The following TNFRSF1A variants were observed in gnomAD, a reference collection of about 807,000 sequenced individuals.
TNFRSF1A encodes tumor necrosis factor receptor superfamily member 1A.
Under a neutral mutation model 41.6 loss-of-function variants are expected in TNFRSF1A, and 9 were observed. That is an observed-to-expected ratio of 0.22 (90% confidence interval 0.13 to 0.38). The LOEUF (loss-of-function observed/expected upper bound fraction) is 0.38. Ranked by LOEUF, TNFRSF1A falls within the 10% of genes least tolerant of loss-of-function variation. The pLI is 1.00. For missense variants in TNFRSF1A, 463 were observed against 591.5 expected, an observed-to-expected ratio of 0.78 and a Z score of 2.25; for synonymous variants, 254 against 248.6, an observed-to-expected ratio of 1.02 and a Z score of -0.21.
Position 6,333,537 on chromosome 12 carries a change from G to C in TNFRSF1A, c.323-21C>G, listed in dbSNP as rs1285774916. ...CATTTCTGGTGAGGGGAGAAGATGG[G>C]GTATGAGTCCTGCATCCTCCTGTCC... On this transcript the variant is annotated intron_variant, in intron 3 of 9. Coordinates refer to ENST00000162749, the MANE Select transcript of TNFRSF1A (RefSeq NM_001065.4). The surrounding 1 kb of genome is among the most constrained non-coding windows in gnomAD (Gnocchi z 6.3). 2.5e-6 allele frequency: 4 copies of C among 1,614,040 alleles called. No individual in the cohort carries two copies. Among genetic ancestry groups the C allele is most frequent in the Non-Finnish European group, 3.4e-6 (4 of 1,180,004 alleles).
Position 6,341,792 on chromosome 12 carries a change from T to C in TNFRSF1A, c.23A>G (p.Asp8Gly). 6.2e-7 allele frequency: 1 copy of C among 1,614,048 alleles called. No homozygotes were observed. Among genetic ancestry groups the C allele is most frequent in the Non-Finnish European group, 8.5e-7 (1 of 1,179,990 alleles). Reference sequence around the variant, plus strand: ...TGGTCTCACCAGTGGCAGCAGCAGGTCAGGCACGGTGGAGAGGCCCATGCC... The same window carrying C: ...TGGTCTCACCAGTGGCAGCAGCAGGCCAGGCACGGTGGAGAGGCCCATGCC... MGLSTVP[D>G]LLLPLVLLEL... Residue 8 changes from aspartate (D) to glycine (G), a missense_variant, in exon 1 of 10, where the codon GAC becomes GGC. Transcript: ENST00000162749. The surrounding 1 kb of genome is among the most constrained non-coding windows in gnomAD (Gnocchi z 4.6).
At chr12:6,338,268 C>T (rs1169758405) in intron 1 of TNFRSF1A, among the ~76,000 whole-genome samples, 3 of 152,084 alleles carry the variant, frequency 2.0e-5, no homozygotes, top group Non-Finnish European at 4.4e-5. Flanking sequence ...TGAGAACTTG[C>T]CACGCTCTCT....
chr12:6,330,046 A>G lies in TNFRSF1A; in HGVS notation c.789T>C (p.Thr263=), dbSNP rs201290189. The change falls in exon 9 of 10, where the codon ACT becomes ACC. Residue 263 remains threonine (T), a synonymous_variant. Coordinates refer to ENST00000162749, the MANE Select transcript of TNFRSF1A (RefSeq NM_001065.4). ...PEKEGELEGT[T]TKPLAPNPSF... ...TTGGGTTTGGGGCCAGGGGCTTAGT[A>G]GTAGTTCCTTCAAGCTCCCCCTGAA... The G allele has an allele frequency of 2.9e-4, 470 of 1,613,076 alleles. 8 individuals carry two copies. In the South Asian group the frequency reaches 4.8e-3, roughly 17 times the overall value.
chr12:6,341,726 G>T lies in TNFRSF1A; in HGVS notation c.39+50C>A, dbSNP rs201769426. The T allele has an allele frequency of 6.2e-7, 1 of 1,609,988 alleles. No individual in the cohort carries two copies. The highest frequency in any genetic ancestry group is 8.5e-7 in the Non-Finnish European group (1 of 1,177,720). ...CTCCCGGAGAGGGCCCACGCCAGCC[G>T]GAAGGTGCCTCGCCCACCAGCCCAC... On this transcript the variant is annotated intron_variant, in intron 1 of 9. Coordinates refer to ENST00000162749, the MANE Select transcript of TNFRSF1A (RefSeq NM_001065.4). The surrounding 1 kb of genome is among the most constrained non-coding windows in gnomAD (Gnocchi z 4.6).
At chr12:6,339,839 T>TCACACACA (rs1312763687) in intron 1 of TNFRSF1A, among the ~76,000 whole-genome samples, 1 of 120,794 alleles carries the variant, frequency 8.3e-6, no homozygotes, top group African/African-American at 3.1e-5. Flanking sequence ...TCTCTCTCTC[T>TCACACACA]CTCACACACA....
At chr12:6,340,822 C>T (rs1025128031) in intron 1 of TNFRSF1A, among the ~76,000 whole-genome samples, 3 of 152,104 alleles carry the variant, frequency 2.0e-5, no homozygotes, top group African/African-American at 7.2e-5. Flanking sequence ...CAGGATGATT[C>T]CCGGACCAAG....
At chr12:6,339,089 T>G (rs1467587721) in intron 1 of TNFRSF1A, among the ~76,000 whole-genome samples, 1 of 152,160 alleles carries the variant, frequency 6.6e-6, no homozygotes, top group African/African-American at 2.4e-5. Context: ...CCATTCACAT[T>G]TCTTAGTGTT....
chr12:6,335,963 A>T (rs1443245864), intron 1 of TNFRSF1A, among the ~76,000 whole-genome samples: 1 of 152,172 alleles, frequency 6.6e-6, no homozygotes, highest in East Asian at 1.9e-4. Context: ...GCACCAGCCA[A>T]CACCGTGCCA....
rs1449040138 is a variant in TNFRSF1A, at chr12:6,337,586, T to A, written c.40-3342A>T. Among the ~76,000 whole-genome samples the A allele has an allele frequency of 6.6e-6, 1 of 152,006 alleles. No homozygotes were observed. The highest frequency in any genetic ancestry group is 6.6e-5 in the Admixed American group (1 of 15,256). ...CCAAGGGCCCAGTTGAGATCCCATC[T>A]CCCTCCCGTGAAGCCACCATTGACG... On this transcript the variant is annotated intron_variant, in intron 1 of 9. Transcript: ENST00000162749. This position sits in a 1 kb window ranked among gnomAD's most constrained non-coding sequence, Gnocchi z 4.6.
chr12:6,329,597 G>A lies in TNFRSF1A; in HGVS notation c.1083C>T (p.Ala361=), dbSNP rs746923911. The part of the protein sequence containing the change: ...LDTDDPATLY[A]VVENVPPLRW... ...GCAACGGGGGCACGTTCTCCACCAC[G>A]GCGTACAGCGTCGCGGGGTCATCAG... The change falls in exon 10 of 10, where the codon GCC becomes GCT. Residue 361 remains alanine, a synonymous_variant. Coordinates refer to ENST00000162749, the MANE Select transcript of TNFRSF1A (RefSeq NM_001065.4). 8.8e-6 allele frequency: 14 copies of A among 1,593,266 alleles called. No homozygotes were observed. Among genetic ancestry groups the A allele is most frequent in the Admixed American group, 3.4e-5 (2 of 59,582 alleles).
rs1326288809 is a variant in TNFRSF1A, at chr12:6,334,846, A to G, written c.40-602T>C. ...CACAGCAGCTAACAGTGCTGGACAC[A>G]GGGCAGATGTTGAAAGGATGTGTTT... On this transcript the variant is annotated intron_variant, in intron 1 of 9. Transcript: ENST00000162749. This position sits in a 1 kb window ranked among gnomAD's most constrained non-coding sequence, Gnocchi z 5.1. 6.6e-6 allele frequency among the ~76,000 whole-genome samples: 1 copy of G among 152,174 alleles called. No individual in the cohort carries two copies. Among genetic ancestry groups the G allele is most frequent in the Non-Finnish European group, 1.5e-5 (1 of 68,038 alleles).
rs1253748269 is a variant in TNFRSF1A, at chr12:6,337,293, G to A, written c.40-3049C>T. 6.6e-6 allele frequency among the ~76,000 whole-genome samples: 1 copy of A among 152,218 alleles called. No homozygotes were observed. Among genetic ancestry groups the A allele is most frequent in the South Asian group, 2.1e-4 (1 of 4,832 alleles). On this transcript the variant is annotated intron_variant, in intron 1 of 9. Coordinates refer to ENST00000162749, the MANE Select transcript of TNFRSF1A (RefSeq NM_001065.4). This position sits in a 1 kb window ranked among gnomAD's most constrained non-coding sequence, Gnocchi z 4.6. ...CCCAGACTCCAGCCTGGAGCAGAAG[G>A]GCAGGAAGCTGGGGTGCCTGTGGAG...
intron 1 of TNFRSF1A, among the ~76,000 whole-genome samples, chr12:6,339,301 G>A (rs141499191): frequency 3.9e-4 from 60 of 152,224 alleles, no homozygotes; most frequent in South Asian, 2.1e-3. Context: ...CTTTCCCTCC[G>A]CCATCCCATC....
Position 6,330,683 on chromosome 12 carries a change from A to G in TNFRSF1A, c.654T>C (p.Ile218=), listed in dbSNP as rs767551055. The change falls in exon 7 of 10, where the codon ATT becomes ATC. Residue 218 remains isoleucine, a synonymous_variant. Transcript: ENST00000162749. Reference sequence around the variant, plus strand: ...GGGATAAAAGGCAAAGACCAAAGAAAATGACCAGGGGCAACAGCACTGTGG... The same window carrying G: ...GGGATAAAAGGCAAAGACCAAAGAAGATGACCAGGGGCAACAGCACTGTGG... ...SGTTVLLPLV[I]FFGLCLLSLL... is the part of the protein sequence containing the mutation. 3.7e-6 allele frequency: 6 copies of G among 1,614,012 alleles called. No individual in the cohort carries two copies. Among genetic ancestry groups the G allele is most frequent in the Non-Finnish European group, 4.2e-6 (5 of 1,179,902 alleles).
At chr12:6,330,413 G>T in intron 7 of TNFRSF1A, 118 bp from the exon 8 acceptor site, 1 of 1,122,288 alleles carries the variant, frequency 8.9e-7, no homozygotes, top group Non-Finnish European at 1.4e-6. Flanking sequence ...GTGGCCCCAG[G>T]GACGAGAGAG....
chr12:6,338,967 C>T (rs1948153362), intron 1 of TNFRSF1A, among the ~76,000 whole-genome samples: 1 of 152,176 alleles, frequency 6.6e-6, no homozygotes, highest in Non-Finnish European at 1.5e-5. Context: ...AGTCTGGGCA[C>T]AGAATGTGCC....
rs1947978839 is a variant in TNFRSF1A at position 6,328,857 on chromosome 12, C to T, written c.*455G>A. 1 of 164,852 alleles carries T rather than the reference C, an allele frequency of 6.1e-6. No individual in the cohort carries two copies. The highest frequency in any genetic ancestry group is 2.4e-5 in the African/African-American group (1 of 42,008). 10.2% of individuals were successfully genotyped at this position (164,852 alleles called of 1,614,324 possible). A position where few individuals can be genotyped will look rare whatever the true frequency, so the allele number is the denominator to read the frequency against. ...TTCCGTGCTCGCCCCTGCCTTAGGA[C>T]AGTTCAGCTTGCTATGTGCTTGTCC... On this transcript the variant is annotated 3_prime_UTR_variant, in exon 10 of 10. Transcript: ENST00000162749.
Position 6,333,302 on chromosome 12 carries a change from C to T in TNFRSF1A, c.472+65G>A, listed in dbSNP as rs768459455. On this transcript the variant is annotated intron_variant, in intron 4 of 9. Coordinates refer to ENST00000162749, the MANE Select transcript of TNFRSF1A (RefSeq NM_001065.4). This position sits in a 1 kb window ranked among gnomAD's most constrained non-coding sequence, Gnocchi z 6.3. ...GAGGGGGAAGGAAAGGAAGTGCCAC[C>T]GCATGGGGAAGGGGCCAACCCCTGG... 1.4e-5 allele frequency: 22 copies of T among 1,589,162 alleles called. No individual in the cohort carries two copies. Among genetic ancestry groups the T allele is most frequent in the Admixed American group, 8.9e-5 (5 of 56,426 alleles).
In TNFRSF1A at chr12:6,341,718, C is replaced by T. The variant is rs1948197383; in HGVS notation, c.39+58G>A. 10 of 1,604,994 alleles carry T rather than the reference C, an allele frequency of 6.2e-6. No homozygotes were observed. The highest frequency in any genetic ancestry group is 4.4e-5 in the South Asian group (4 of 90,520). ...TCGGCCCCCTCCCGGAGAGGGCCCA[C>T]GCCAGCCGGAAGGTGCCTCGCCCAC... On this transcript the variant is annotated intron_variant, in intron 1 of 9. Coordinates refer to ENST00000162749, the MANE Select transcript of TNFRSF1A (RefSeq NM_001065.4). The surrounding 1 kb of genome is among the most constrained non-coding windows in gnomAD (Gnocchi z 4.6).
Sources: gnomAD v4.1 joint callset for allele counts (sites outside exome capture counted in the v4.1 genomes callset) on GRCh38, gnomAD v4.1.1 for gene constraint, Gnocchi (gnomAD v3.1) non-coding constraint, MANE v1.5 for transcripts, NCBI Gene and HGNC (gene_info 2026-07-23, HGNC 2026-07-21) for gene names.